Variants in MYADM observed in about 807,000 individuals in gnomAD.
The protein encoded by MYADM is myeloid associated differentiation marker.
For missense variants in MYADM, 416 were observed against 443.4 expected, an observed-to-expected ratio of 0.94 and a Z score of 0.56; for synonymous variants, 224 against 210.2, an observed-to-expected ratio of 1.07 and a Z score of -0.57.
Position 53,873,997 on chromosome 19 carries a change from C to T in MYADM, c.468C>T (p.Ala156=). The stretch of plus-strand genomic sequence containing the variant: ...GTGTGGCTTACGCCACCGAAGTGGC[C>T]TGGACCCGGGCCCGGCCCGGCGAGA... The part of the protein sequence containing the change: ...IACVAYATEV[A]WTRARPGEIT... The change falls in exon 3 of 3, where the codon GCC becomes GCT. Residue 156 remains alanine (A), a synonymous_variant. Coordinates refer to ENST00000391770, the MANE Select transcript of MYADM (RefSeq NM_138373.5). This position sits in a 1 kb window ranked among gnomAD's most constrained non-coding sequence, Gnocchi z 4.3. 2.5e-6 allele frequency: 4 copies of T among 1,608,910 alleles called. No individual in the cohort carries two copies. The highest frequency in any genetic ancestry group is 3.4e-6 in the Non-Finnish European group (4 of 1,180,012).
At position 53,873,890 on chromosome 19, in the gene MYADM, C is replaced by T; in HGVS notation, c.361C>T (p.Pro121Ser). ...LFCLSASIIYPTTYVQFLSHG... is the reference protein window; with the variant it reads ...LFCLSASIIYSTTYVQFLSHG... Reference sequence around the variant, plus strand: ...CTGCCTCTCGGCCTCCATCATCTACCCCACCACCTATGTCCAGTTCCTGTC... The same window carrying T: ...CTGCCTCTCGGCCTCCATCATCTACTCCACCACCTATGTCCAGTTCCTGTC... Residue 121 changes from proline to serine, a missense_variant, in exon 3 of 3, where the codon CCC (proline) becomes TCC (serine). Coordinates refer to ENST00000391770, the MANE Select transcript of MYADM (RefSeq NM_138373.5). The surrounding 1 kb of genome is among the most constrained non-coding windows in gnomAD (Gnocchi z 4.3). 6.2e-7 allele frequency: 1 copy of T among 1,613,122 alleles called. No individual in the cohort carries two copies. The highest frequency in any genetic ancestry group is 8.5e-7 in the Non-Finnish European group (1 of 1,180,038).
Position 53,873,759 on chromosome 19 carries a change from C to T in MYADM, c.230C>T (p.Ser77Phe), listed in dbSNP as rs1331429980. ...WSMFTWCFCF[S>F]VTLIILIVEL... is the part of the protein sequence containing the mutation. ...ATGTTCACCTGGTGCTTCTGCTTCT[C>T]CGTGACCCTGATCATCCTCATCGTG... is the stretch of plus-strand genomic sequence containing the variant. The change falls in exon 3 of 3, where the codon TCC (serine) becomes TTC (phenylalanine). Residue 77 changes from serine to phenylalanine, a missense_variant. Physicochemically the swap from Ser to Phe is radical, Grantham distance 155. Coordinates refer to ENST00000391770, the MANE Select transcript of MYADM (RefSeq NM_138373.5). This position sits in a 1 kb window ranked among gnomAD's most constrained non-coding sequence, Gnocchi z 4.3. 3 of 1,613,916 alleles carry T rather than the reference C, an allele frequency of 1.9e-6. No homozygotes were observed. The African/African-American group carries it at 4.0e-5, about 22-fold the overall frequency.
Position 53,873,802 on chromosome 19 carries a change from G to T in MYADM, c.273G>T (p.Gln91His), listed in dbSNP as rs1411421619. 1.2e-6 allele frequency: 2 copies of T among 1,613,676 alleles called. No homozygotes were observed. The highest frequency in any genetic ancestry group is 1.7e-6 in the Non-Finnish European group (2 of 1,180,050). ...TCATCGTGGAGCTGTGCGGGCTCCA[G>T]GCCCGCTTCCCCCTGTCTTGGCGCA... ...IILIVELCGL[Q>H]ARFPLSWRNF... Residue 91 changes from glutamine (Q) to histidine (H), a missense_variant, in exon 3 of 3, where the codon CAG (glutamine) becomes CAT (histidine). By Grantham distance (24) the Gln-to-His change is conservative (BLOSUM62 0). Coordinates refer to ENST00000391770, the MANE Select transcript of MYADM (RefSeq NM_138373.5). The surrounding 1 kb of genome is among the most constrained non-coding windows in gnomAD (Gnocchi z 4.3).
chr19:53,874,198 G>A lies in MYADM; in HGVS notation c.669G>A (p.Leu223=), dbSNP rs1568737936. The A allele has an allele frequency of 3.7e-6, 6 of 1,613,700 alleles. No homozygotes were observed. Among genetic ancestry groups the A allele is most frequent in the Middle Eastern group, 3.3e-4 (2 of 6,078 alleles). The change falls in exon 3 of 3, where the codon CTG becomes CTA. Residue 223 remains leucine, a synonymous_variant. Transcript: ENST00000391770. ...TCCTAGCGGCCATCGCCATCCTGCT[G>A]AACCTGGGGGAGTGCACCAACGTGC... ...CFILAAIAIL[L]NLGECTNVLP...
chr19:53,871,254 A>T (rs2068380391), intron 2 of MYADM, among the ~76,000 whole-genome samples: 1 of 151,938 alleles, frequency 6.6e-6, no homozygotes, highest in Admixed American at 6.6e-5. Flanking sequence ...AAAAAACAGG[A>T]TTGTGAGGCC....
rs1302823747 is a variant in MYADM, at chr19:53,873,036, G to A, written c.-2-492G>A. Among the ~76,000 whole-genome samples the A allele has an allele frequency of 6.6e-6, 1 of 152,154 alleles. No homozygotes were observed. The highest frequency in any genetic ancestry group is 2.4e-5 in the African/African-American group (1 of 41,426). On this transcript the variant is annotated intron_variant, in intron 2 of 2. Transcript: ENST00000391770. This position sits in a 1 kb window ranked among gnomAD's most constrained non-coding sequence, Gnocchi z 4.3. ...TAGGGGAGGAGTGAGCCTTGAACCG[G>A]AGGGGACAGGCTCATCCCTGTATGC...
upstream of MYADM, among the ~76,000 whole-genome samples, chr19:53,866,714 A>G (rs1424401551): frequency 1.3e-5 from 2 of 150,736 alleles, no homozygotes; most frequent in Non-Finnish European, 3.0e-5. The surrounding 1 kb of genome is among the most constrained non-coding windows in gnomAD (Gnocchi z 4.3). Flanking sequence ...CCCTCCATCC[A>G]GGAGTCAGGA....
In MYADM at chr19:53,874,609, TCTCCC is replaced by T; in HGVS notation, c.*117_*121del. 7.7e-7 allele frequency: 1 copy of T among 1,301,198 alleles called. No homozygotes were observed. Among genetic ancestry groups the T allele is most frequent in the Non-Finnish European group, 1.0e-6 (1 of 958,542 alleles). The allele number at this position is 1,301,198 out of a possible 1,614,324, so 80.6% of individuals were successfully genotyped here. A position where few individuals can be genotyped will look rare whatever the true frequency, so the allele number is the denominator to read the frequency against. On this transcript the variant is annotated 3_prime_UTR_variant, in exon 3 of 3. Transcript: ENST00000391770. ...CCTTTCCTCTGTTTTCCTCTTCCTG[TCTCCC>T]CTCCCTCCCACCTTTTTCTTTCCTT...
chr19:53,871,561 G>A (rs1469014628), intron 2 of MYADM, among the ~76,000 whole-genome samples: 2 of 152,170 alleles, frequency 1.3e-5, no homozygotes, highest in Non-Finnish European at 2.9e-5. Context: ...TTGTCAGAAG[G>A]GAGGGGAGAT....
chr19:53,870,042 T>G (rs1359921161), intron 2 of MYADM, among the ~76,000 whole-genome samples: 1 of 18,858 alleles, frequency 5.3e-5, no homozygotes, highest in Non-Finnish European at 1.1e-4. Context: ...GAGGAGGGGC[T>G]GGGGGTCTGG....
chr19:53,872,515 T>G (rs982568233), intron 2 of MYADM, among the ~76,000 whole-genome samples: 1 of 149,964 alleles, frequency 6.7e-6, no homozygotes, highest in Admixed American at 6.7e-5. Flanking sequence ...TAAAAAAAAT[T>G]TTTTTTTTTT....
chr19:53,872,251 A>AG (rs2068405884), intron 2 of MYADM, among the ~76,000 whole-genome samples: 1 of 151,912 alleles, frequency 6.6e-6, no homozygotes, highest in South Asian at 2.1e-4. Context: ...GCTGGAGTGC[A>AG]GGGGTTCTAT....
In MYADM at chr19:53,873,794, G is replaced by A. The variant is rs1196638389; in HGVS notation, c.265G>A (p.Gly89Arg). The stretch of plus-strand genomic sequence containing the variant: ...GATCATCCTCATCGTGGAGCTGTGC[G>A]GGCTCCAGGCCCGCTTCCCCCTGTC... ...TLIILIVELC[G>R]LQARFPLSWR... The change falls in exon 3 of 3, where the codon GGG becomes AGG. Residue 89 changes from glycine (G) to arginine (R), a missense_variant. Physicochemically the swap from Gly to Arg is moderately radical, Grantham distance 125. Transcript: ENST00000391770. The surrounding 1 kb of genome is among the most constrained non-coding windows in gnomAD (Gnocchi z 4.3). 1.9e-6 allele frequency: 3 copies of A among 1,613,760 alleles called. No individual in the cohort carries two copies. Among genetic ancestry groups the A allele is most frequent in the East Asian group, 2.2e-5 (1 of 44,866 alleles).
In MYADM at chr19:53,873,932, G is replaced by C; in HGVS notation, c.403G>C (p.Asp135His). The C allele has an allele frequency of 1.1e-5, 17 of 1,611,750 alleles. No individual in the cohort carries two copies. The highest frequency in any genetic ancestry group is 1.4e-5 in the Non-Finnish European group (17 of 1,180,026). The change falls in exon 3 of 3, where the codon GAC (aspartate) becomes CAC (histidine). Residue 135 changes from aspartate to histidine, a missense_variant. Transcript: ENST00000391770. This position sits in a 1 kb window ranked among gnomAD's most constrained non-coding sequence, Gnocchi z 4.3. ...GTTCCTGTCCCACGGCCGTTCGCGG[G>C]ACCACGCCATCGCCGCCACCTTCTT... ...VQFLSHGRSR[D>H]HAIAATFFSC...
chr19:53,875,241 G>C lies in MYADM; in HGVS notation c.*743G>C. The C allele has an allele frequency of 7.2e-6, 1 of 139,558 alleles. No homozygotes were observed. 8.6% of individuals were successfully genotyped at this position (139,558 alleles called of 1,614,324 possible). On this transcript the variant is annotated 3_prime_UTR_variant, in exon 3 of 3. Transcript: ENST00000391770. Reference sequence around the variant, plus strand: ...GTGTGTGTGTGTGTGTTTGGGGGGTGGGGGGTGGGTAGCTGGGGATTGGGC... The same window carrying C: ...GTGTGTGTGTGTGTGTTTGGGGGGTCGGGGGTGGGTAGCTGGGGATTGGGC...
At position 53,868,999 on chromosome 19, in the gene MYADM, G is replaced by T. The variant is rs2068301377; in HGVS notation, c.-87-755G>T. 1 of 152,296 alleles carries T rather than the reference G, an allele frequency of 6.6e-6. No homozygotes were observed. Among genetic ancestry groups the T allele is most frequent in the Non-Finnish European group, 1.5e-5 (1 of 68,160 alleles). The allele number at this position is 152,296 out of a possible 1,614,324, so 9.4% of individuals were successfully genotyped here. The stretch of plus-strand genomic sequence containing the variant: ...TAGCCCGCCTTCTAGAGCACGGGAC[G>T]CTGGGCCAGTCCCGATTTCCTTCTC... On this transcript the variant is annotated intron_variant, in intron 1 of 2. Transcript: ENST00000391770. This position sits in a 1 kb window ranked among gnomAD's most constrained non-coding sequence, Gnocchi z 6.3.
chr19:53,874,771 CTTTTTTTTTTT>C lies in MYADM; in HGVS notation c.*285_*295del. 5.8e-6 allele frequency: 1 copy of C among 171,512 alleles called. No individual in the cohort carries two copies. Among genetic ancestry groups the C allele is most frequent in the Non-Finnish European group, 1.2e-5 (1 of 84,852 alleles). The allele number at this position is 171,512 out of a possible 1,614,324, so 10.6% of individuals were successfully genotyped here. ...CCTGAGCTGTTTCTCTTTTTCTTTT[CTTTTTTTTTTT>C]TTTTTTTTTTTAAGACGGATTCTCA... is the stretch of plus-strand genomic sequence containing the variant. On this transcript the variant is annotated 3_prime_UTR_variant, in exon 3 of 3. Transcript: ENST00000391770.
chr19:53,873,474 C>A lies in MYADM; in HGVS notation c.-2-54C>A. On this transcript the variant is annotated intron_variant, in intron 2 of 2. Transcript: ENST00000391770. This position sits in a 1 kb window ranked among gnomAD's most constrained non-coding sequence, Gnocchi z 4.3. ...CTGGGGTAGGCAATGGCTAAGGGAC[C>A]TGGATTCTTATGTTTGTGACTGTAT... 6.6e-7 allele frequency: 1 copy of A among 1,524,908 alleles called. No homozygotes were observed. The highest frequency in any genetic ancestry group is 1.4e-5 in the African/African-American group (1 of 72,070). The allele number at this position is 1,524,908 out of a possible 1,614,324, so 94.5% of individuals were successfully genotyped here.
chr19:53,866,594 G>A (rs901448018), upstream of MYADM, among the ~76,000 whole-genome samples: 1 of 152,162 alleles, frequency 6.6e-6, no homozygotes, highest in African/African-American at 2.4e-5. The surrounding 1 kb of genome is among the most constrained non-coding windows in gnomAD (Gnocchi z 4.3). Context: ...CCCTGCCCTG[G>A]GGCTTCGGGC....
Sources: gnomAD v4.1 joint callset for allele counts (sites outside exome capture counted in the v4.1 genomes callset) on GRCh38, gnomAD v4.1.1 for gene constraint, Gnocchi (gnomAD v3.1) non-coding constraint, MANE v1.5 for transcripts, NCBI Gene and HGNC (gene_info 2026-07-23, HGNC 2026-07-21) for gene names.